Variants in SYNPR observed in about 807,000 individuals in gnomAD.
The protein encoded by SYNPR is synaptoporin.
In SYNPR, 23 loss-of-function variants were observed where a neutral mutation model predicts 32.9. The ratio of observed to expected loss-of-function variants is 0.70; its 90% CI spans 0.50 to 0.99. The LOEUF is 0.99. Among genes scored for constraint, SYNPR ranks in the 50% least tolerant of loss-of-function variants. The pLI, the probability that SYNPR is intolerant of heterozygous loss-of-function variation, is 0.00. For missense variants in SYNPR, 318 were observed against 349.3 expected (o/e 0.91, Z 0.71); for synonymous variants, 146 against 135.9 (o/e 1.07, Z -0.52).
chr3:63,532,924 G>A (rs925485147), intron 3 of SYNPR, among the ~76,000 whole-genome samples: 1 of 152,132 alleles, frequency 6.6e-6, no homozygotes, highest in Non-Finnish European at 1.5e-5. Context: ...TGGTCACTGG[G>A]TACTTATAGG....
At chr3:63,435,275 TA>T (rs1700061180) in intron 2 of SYNPR, among the ~76,000 whole-genome samples, 2 of 152,226 alleles carry the variant, frequency 1.3e-5, no homozygotes. Context: ...TTTTCGTTTG[TA>T]AAATGATGAT....
At chr3:63,316,914 G>A (rs189661676) in intron 2 of SYNPR, among the ~76,000 whole-genome samples, 20 of 151,870 alleles carry the variant, frequency 1.3e-4, no homozygotes, top group Non-Finnish European at 2.7e-4. Flanking sequence ...GTATCTCAGA[G>A]GTTTTGATAA....
chr3:63,585,077 C>T (rs1251878891), intron 4 of SYNPR, among the ~76,000 whole-genome samples: 1 of 152,076 alleles, frequency 6.6e-6, no homozygotes, highest in Non-Finnish European at 1.5e-5. Context: ...CCATTACACA[C>T]AGCAGCATTT....
chr3:63,338,268 G>T (rs2087319381), intron 2 of SYNPR, among the ~76,000 whole-genome samples: 1 of 152,194 alleles, frequency 6.6e-6, no homozygotes, highest in Non-Finnish European at 1.5e-5. Flanking sequence ...CAATGGCTAA[G>T]TAGTTCTGCT....
chr3:63,296,267 A>C (rs1350056270), intron 2 of SYNPR, among the ~76,000 whole-genome samples: 1 of 142,194 alleles, frequency 7.0e-6, no homozygotes, highest in Non-Finnish European at 1.5e-5. Flanking sequence ...AATAGTATGA[A>C]GTTTTAATGT....
intron 3 of SYNPR, among the ~76,000 whole-genome samples, chr3:63,485,431 C>T (rs563545391): frequency 1.3e-5 from 2 of 152,008 alleles, no homozygotes; most frequent in Admixed American, 6.5e-5. Flanking sequence ...GCATTGAGTA[C>T]CTCAAAGAAA....
intron 2 of SYNPR, among the ~76,000 whole-genome samples, chr3:63,314,488 C>T (rs6788275): frequency 6.7e-4 from 102 of 151,940 alleles, no homozygotes; most frequent in African/African-American, 2.3e-3. Flanking sequence ...AGCATTTTTT[C>T]ATATGTGTGT....
At chr3:63,395,568 T>A (rs2107091914) in intron 2 of SYNPR, among the ~76,000 whole-genome samples, 2 of 152,276 alleles carry the variant, frequency 1.3e-5, no homozygotes, top group Middle Eastern at 6.8e-3. Context: ...ATGATGAGGT[T>A]CAGAGAATCA....
At chr3:63,231,056 T>C (rs192824831) in intron 1 of SYNPR, among the ~76,000 whole-genome samples, 9 of 152,308 alleles carry the variant, frequency 5.9e-5, no homozygotes, top group East Asian at 3.9e-4. Flanking sequence ...CACATGTTTG[T>C]AGCAGTACAA....
intron 2 of SYNPR, among the ~76,000 whole-genome samples, chr3:63,471,177 G>A (rs192524530): frequency 1.1e-3 from 169 of 152,258 alleles, no homozygotes; most frequent in African/African-American, 3.8e-3. Context: ...ATTTTTGACA[G>A]GTAGCATGAA....
intron 3 of SYNPR, among the ~76,000 whole-genome samples, chr3:63,533,335 G>T (rs774806582): frequency 3.0e-4 from 46 of 152,174 alleles, no homozygotes; most frequent in Non-Finnish European, 5.7e-4. Flanking sequence ...ATACTTAAGA[G>T]ATTCTGGAAT....
intron 3 of SYNPR, among the ~76,000 whole-genome samples, chr3:63,519,678 A>C (rs1197813243): frequency 6.6e-6 from 1 of 152,216 alleles, no homozygotes; most frequent in African/African-American, 2.4e-5. Context: ...TGGTTTGTAC[A>C]ACCACATTGC....
chr3:63,398,142 T>C (rs969973243), intron 2 of SYNPR, among the ~76,000 whole-genome samples: 5 of 152,218 alleles, frequency 3.3e-5, no homozygotes, highest in Non-Finnish European at 5.9e-5. Context: ...CCAAGTTTGA[T>C]TGTCCTTCTT....
chr3:63,234,416 G>A (rs1292917769), intron 1 of SYNPR, among the ~76,000 whole-genome samples: 1 of 152,098 alleles, frequency 6.6e-6, no homozygotes, highest in Non-Finnish European at 1.5e-5. Context: ...CTGGATCTTT[G>A]GGTTCCCACT....
chr3:63,344,023 C>T (rs771205736), intron 2 of SYNPR, among the ~76,000 whole-genome samples: 37 of 152,224 alleles, frequency 2.4e-4, no homozygotes, highest in Admixed American at 3.9e-4. Context: ...AGCTCTCAGC[C>T]TCGCTCATAT....
At chr3:63,459,622 T>G (rs990795275) in intron 2 of SYNPR, among the ~76,000 whole-genome samples, 5 of 152,130 alleles carry the variant, frequency 3.3e-5, no homozygotes, top group African/African-American at 9.7e-5. Context: ...CAACAAAACT[T>G]ATTTCATTGA....
intron 2 of SYNPR, among the ~76,000 whole-genome samples, chr3:63,459,077 C>T (rs1415505739): frequency 2.6e-5 from 4 of 151,900 alleles, no homozygotes; most frequent in Non-Finnish European, 5.9e-5. Flanking sequence ...CAGCACACCC[C>T]CTCCCAATTA....
chr3:63,465,932 G>A (rs183303294), intron 2 of SYNPR, among the ~76,000 whole-genome samples: 22 of 152,038 alleles, frequency 1.4e-4, no homozygotes, highest in African/African-American at 5.3e-4. Context: ...TTAAGCTCGG[G>A]GGTATGTGTG....
intron 2 of SYNPR, among the ~76,000 whole-genome samples, chr3:63,362,252 GT>G (rs2087671309): frequency 6.6e-6 from 1 of 152,164 alleles, no homozygotes; most frequent in Non-Finnish European, 1.5e-5. Context: ...ATAAACCTCT[GT>G]TGTTTTAAAA....
Sources: allele counts gnomAD v4.1 joint callset (sites outside exome capture counted in the v4.1 genomes callset), GRCh38; gene constraint gnomAD v4.1.1; transcripts MANE v1.5; gene names NCBI Gene and HGNC (gene_info 2026-07-23, HGNC 2026-07-21).